Variants in SERINC5 observed in about 807,000 individuals in gnomAD.
SERINC5 encodes chromosome 5 open reading frame 12.
SERINC5 carries 41 observed loss-of-function variants against 63.1 expected under a neutral mutation model. The ratio of observed to expected loss-of-function variants is 0.65; its 90% CI spans 0.51 to 0.84. The LOEUF (loss-of-function observed/expected upper bound fraction) is 0.84. SERINC5 is among the 40% of genes least tolerant of loss of function. The pLI is 0.00. For synonymous variants in SERINC5, 222 were observed against 215.2 expected, an observed-to-expected ratio of 1.03 and a Z score of -0.28; for missense variants, 523 against 573.0, an observed-to-expected ratio of 0.91 and a Z score of 0.89.
chr5:80,147,662 G>A (rs574254615), intron 9 of SERINC5, among the ~76,000 whole-genome samples: 2 of 151,758 alleles, frequency 1.3e-5, no homozygotes, highest in East Asian at 3.9e-4. Context: ...TTCACCCTCT[G>A]CCCAATTTTG....
chr5:80,158,751 C>T (rs1746695005), intron 8 of SERINC5, 85 bp downstream of exon 8: 3 of 1,377,886 alleles, frequency 2.2e-6, no homozygotes, highest in Non-Finnish European at 2.0e-6. Context: ...TGGTTGCAGC[C>T]TCACAGCTAC....
chr5:80,245,819 T>C (rs1431258574), intron 1 of SERINC5, among the ~76,000 whole-genome samples: 1 of 151,874 alleles, frequency 6.6e-6, no homozygotes, highest in Admixed American at 6.6e-5. Context: ...TTCACCATGT[T>C]GGCCAGGCTG....
chr5:80,200,945 A>G (rs1393521954), intron 2 of SERINC5, among the ~76,000 whole-genome samples: 1 of 151,920 alleles, frequency 6.6e-6, no homozygotes, highest in Non-Finnish European at 1.5e-5. Flanking sequence ...GAAAGATACG[A>G]AAATTTAGCC....
chr5:80,154,321 A>G (rs113365096), intron 8 of SERINC5, among the ~76,000 whole-genome samples: 1,906 of 152,178 alleles, frequency 0.013, 45 homozygotes, highest in African/African-American at 0.044. Context: ...CTGGGGTTAC[A>G]GGCATGCACC....
At chr5:80,170,224 T>C (rs1265707724) in intron 5 of SERINC5, among the ~76,000 whole-genome samples, 1 of 152,186 alleles carries the variant, frequency 6.6e-6, no homozygotes, top group East Asian at 1.9e-4. Context: ...ACATTGTCAG[T>C]GTGAAATGTA....
chr5:80,137,456 T>C (rs1580044961), downstream of SERINC5, among the ~76,000 whole-genome samples: 1 of 150,542 alleles, frequency 6.6e-6, no homozygotes, highest in East Asian at 2.0e-4. Context: ...CTGGCCAACA[T>C]GGTGAAACCC....
chr5:80,255,858 G>A lies in SERINC5; in HGVS notation c.27+38C>T, dbSNP rs1455071653. The A allele has an allele frequency of 1.9e-6, 3 of 1,586,990 alleles. No homozygotes were observed. In the South Asian group the frequency reaches 3.4e-5, roughly 18 times the overall value. ...GCCTGGACTCCTGGCCCGGTTCTCC[G>A]ATCTGACAACCCCCGCGCTGCGCCC... On this transcript the variant is annotated intron_variant, in intron 1 of 11. Coordinates refer to ENST00000507668, the MANE Select transcript of SERINC5 (RefSeq NM_001174072.3).
rs983997758 is a variant in SERINC5 at position 80,140,971 on chromosome 5, C to T, written c.*2692G>A. 3.9e-5 allele frequency: 38 copies of T among 985,134 alleles called. No individual in the cohort carries two copies. Among genetic ancestry groups the T allele is most frequent in the East Asian group, 2.3e-4 (2 of 8,826 alleles). 61.0% of individuals were successfully genotyped at this position (985,134 alleles called of 1,614,324 possible). ...ATCAGTGAGTTAATCAAATTAACAC[C>T]GTTGTTATAGGAACTCAAAGCCATT... is the stretch of plus-strand genomic sequence containing the variant. On this transcript the variant is annotated 3_prime_UTR_variant, in exon 12 of 12. Transcript: ENST00000507668.
chr5:80,169,258 A>G, intron 6 of SERINC5, 77 bp downstream of exon 6: 1 of 1,270,506 alleles, frequency 7.9e-7, no homozygotes, highest in East Asian at 2.3e-5. Flanking sequence ...ACAAAACAAA[A>G]CAAAAAAAGC....
intron 11 of SERINC5, chr5:80,129,017 G>A (rs1047806755): frequency 2.0e-5 from 3 of 152,126 alleles, no homozygotes; most frequent in African/African-American, 7.2e-5. Context: ...CAGCCATTTC[G>A]AAGAAATTTC....
At chr5:80,232,941 T>A (rs1420240762) in intron 1 of SERINC5, among the ~76,000 whole-genome samples, 1 of 152,102 alleles carries the variant, frequency 6.6e-6, no homozygotes, top group Non-Finnish European at 1.5e-5. Flanking sequence ...AGCAAGTAGA[T>A]TAACAATTGC....
chr5:80,198,662 C>T (rs111632480), intron 2 of SERINC5: 31,189 of 985,348 alleles, frequency 0.032, 577 homozygotes, highest in Non-Finnish European at 0.034. Flanking sequence ...GCCCAGTGTG[C>T]GTCCCTACAA....
chr5:80,252,696 T>C (rs922099763), intron 1 of SERINC5, among the ~76,000 whole-genome samples: 5 of 152,282 alleles, frequency 3.3e-5, no homozygotes, highest in Middle Eastern at 3.4e-3. Context: ...ATTACAGACT[T>C]TACACTTATC....
chr5:80,168,215 GAC>G (rs1446939255), intron 6 of SERINC5, among the ~76,000 whole-genome samples: 4 of 145,354 alleles, frequency 2.8e-5, no homozygotes. Flanking sequence ...TTTTTTTTTC[GAC>G]ACAGAGTCTC....
chr5:80,255,797 C>T (rs1057235260), intron 1 of SERINC5, 99 bp downstream of exon 1: 2 of 1,320,294 alleles, frequency 1.5e-6, no homozygotes, highest in Non-Finnish European at 2.1e-6. Context: ...TACGTTCGGC[C>T]GCGGAGCTGG....
intron 1 of SERINC5, among the ~76,000 whole-genome samples, chr5:80,239,919 G>C (rs558144965): frequency 2.2e-4 from 33 of 152,252 alleles, no homozygotes; most frequent in African/African-American, 7.2e-4. Context: ...CAATTTTCTG[G>C]GAGGTGGTCC....
chr5:80,134,389 C>T (rs964690884), downstream of SERINC5, among the ~76,000 whole-genome samples: 24 of 152,104 alleles, frequency 1.6e-4, no homozygotes, highest in Non-Finnish European at 2.1e-4. Flanking sequence ...AGGAGGCTGA[C>T]GCAGGAGAAT....
intron 7 of SERINC5, among the ~76,000 whole-genome samples, chr5:80,162,856 T>G (rs1351953347): frequency 2.0e-5 from 3 of 151,908 alleles, no homozygotes; most frequent in Non-Finnish European, 2.9e-5. Flanking sequence ...TTTTTTTTTT[T>G]GAGGCGGAGT....
intron 2 of SERINC5, among the ~76,000 whole-genome samples, chr5:80,200,972 G>A (rs561129995): frequency 1.3e-4 from 20 of 152,076 alleles, no homozygotes; most frequent in Middle Eastern, 3.4e-3. Context: ...GGTGGCACGC[G>A]CCTGTAATCC....
Sources: gnomAD v4.1 joint callset for allele counts (sites outside exome capture counted in the v4.1 genomes callset) on GRCh38, gnomAD v4.1.1 for gene constraint, MANE v1.5 for transcripts, NCBI Gene and HGNC (gene_info 2026-07-23, HGNC 2026-07-21) for gene names.